SLC8A3: variants seen among roughly 807,000 people sequenced by gnomAD.
The protein encoded by SLC8A3 is solute carrier family 8 member A3.
SLC8A3 carries 37 observed loss-of-function variants against 65.4 expected under a neutral mutation model. The observed-to-expected ratio is 0.57, with a 90% CI of 0.44 to 0.74. The LOEUF (loss-of-function observed/expected upper bound fraction) is 0.74. SLC8A3 is among the 30% of genes least tolerant of loss of function. SLC8A3 has a pLI of 0.00. For synonymous variants in SLC8A3, 461 were observed against 444.5 expected (o/e 1.04, Z -0.47); for missense variants, 1,112 against 1,172.1 (o/e 0.95, Z 0.75).
intron 2 of SLC8A3, among the ~76,000 whole-genome samples, chr14:70,080,906 T>C (rs568299162): frequency 3.9e-5 from 6 of 152,264 alleles, no homozygotes; most frequent in African/African-American, 1.4e-4. Flanking sequence ...TATCTTTACA[T>C]GAGGAAATGA....
chr14:70,062,586 A>G (rs1184573375), intron 2 of SLC8A3, among the ~76,000 whole-genome samples: 1 of 152,066 alleles, frequency 6.6e-6, no homozygotes, highest in Non-Finnish European at 1.5e-5. Flanking sequence ...GTGAAAGTAC[A>G]CTCTATAATT....
intron 2 of SLC8A3, among the ~76,000 whole-genome samples, chr14:70,071,583 T>G (rs1404031325): frequency 6.6e-6 from 1 of 152,192 alleles, no homozygotes; most frequent in Non-Finnish European, 1.5e-5. Flanking sequence ...ATTCTGCTGA[T>G]GGCCTGAATA....
intron 3 of SLC8A3, chr14:70,055,852 A>G: frequency 6.3e-7 from 1 of 1,595,228 alleles, no homozygotes; most frequent in South Asian, 1.1e-5. Flanking sequence ...GAAGAAAGAA[A>G]AGGAAAGAGC....
intron 2 of SLC8A3, among the ~76,000 whole-genome samples, chr14:70,120,654 C>A (rs1893993615): frequency 6.6e-6 from 1 of 152,208 alleles, no homozygotes. Flanking sequence ...GTCCTGTCCT[C>A]CCTCTGCCTT....
At chr14:70,139,060 AG>A (rs1270440071) in intron 2 of SLC8A3, among the ~76,000 whole-genome samples, 4 of 152,174 alleles carry the variant, frequency 2.6e-5, no homozygotes, top group Admixed American at 2.6e-4. Context: ...AATTCTCCCC[AG>A]GCTTAAGGAC....
intron 2 of SLC8A3, among the ~76,000 whole-genome samples, chr14:70,108,054 C>CA (rs1892997274): frequency 6.6e-6 from 1 of 151,328 alleles, no homozygotes; most frequent in Non-Finnish European, 1.5e-5. Flanking sequence ...GTAGGCTCTC[C>CA]AATGGCAAAG....
intron 2 of SLC8A3, among the ~76,000 whole-genome samples, chr14:70,138,871 G>T (rs1284087754): frequency 6.6e-6 from 1 of 152,204 alleles, no homozygotes; most frequent in Non-Finnish European, 1.5e-5. Context: ...ACACCTTGTA[G>T]GTTAAGCAAA....
At chr14:70,148,172 C>T (rs1414152797) in intron 2 of SLC8A3, among the ~76,000 whole-genome samples, 1 of 152,048 alleles carries the variant, frequency 6.6e-6, no homozygotes, top group Admixed American at 6.6e-5. Context: ...TGTTTTTGTC[C>T]ACTTGTAGAC....
At chr14:70,075,721 T>C (rs968462385) in intron 2 of SLC8A3, among the ~76,000 whole-genome samples, 3 of 152,096 alleles carry the variant, frequency 2.0e-5, no homozygotes, top group African/African-American at 7.2e-5. Context: ...TCAGCAGGAG[T>C]GCTTAAAAAC....
At chr14:70,089,673 C>A (rs1891684775) in intron 2 of SLC8A3, among the ~76,000 whole-genome samples, 1 of 152,168 alleles carries the variant, frequency 6.6e-6, no homozygotes, top group Non-Finnish European at 1.5e-5. Flanking sequence ...TCTTTGAATC[C>A]ATCTGTGTAG....
chr14:70,169,700 G>T lies in SLC8A3; in HGVS notation c.-62-1216C>A, dbSNP rs561385469. Among the ~76,000 whole-genome samples the T allele has an allele frequency of 4.2e-5, 6 of 143,958 alleles. 1 individual carries two copies. Among genetic ancestry groups the T allele is most frequent in the Admixed American group, 6.8e-5 (1 of 14,670 alleles). The allele number at this position is 143,958 out of a possible 152,430, so 94.4% of individuals were successfully genotyped here. On this transcript the variant is annotated intron_variant, in intron 1 of 6. Coordinates refer to ENST00000356921, the MANE Select transcript of SLC8A3 (RefSeq NM_182932.3). Reference sequence around the variant, plus strand: ...TAAAAAAAAAAAAAAGTGGGGGGGGGGGCGATCTTTCTCCCTCTGCTACAA... The same window carrying T: ...TAAAAAAAAAAAAAAGTGGGGGGGGTGGCGATCTTTCTCCCTCTGCTACAA...
At chr14:70,066,487 C>A (rs548652161) in intron 2 of SLC8A3, among the ~76,000 whole-genome samples, 2 of 152,130 alleles carry the variant, frequency 1.3e-5, no homozygotes, top group African/African-American at 4.8e-5. Flanking sequence ...TTACTACCCC[C>A]CTTCCTTCTG....
intron 2 of SLC8A3, among the ~76,000 whole-genome samples, chr14:70,149,135 A>G (rs913736051): frequency 2.2e-4 from 33 of 152,200 alleles, no homozygotes; most frequent in African/African-American, 8.0e-4. Flanking sequence ...GGCACACAGT[A>G]AGTACTAAAT....
chr14:70,068,010 G>A (rs369592007), intron 2 of SLC8A3, among the ~76,000 whole-genome samples: 8 of 152,316 alleles, frequency 5.3e-5, no homozygotes, highest in South Asian at 2.1e-4. Flanking sequence ...TGCACACAGC[G>A]TTCCCAGAAC....
At position 70,168,354 on chromosome 14, in the gene SLC8A3, G is replaced by T; in HGVS notation, c.69C>A (p.Leu23=). The change falls in exon 2 of 7, where the codon CTC becomes CTA. Residue 23 remains leucine, a synonymous_variant. Coordinates refer to ENST00000356921, the MANE Select transcript of SLC8A3 (RefSeq NM_182932.3). ...CCTCTGCTCGAAGACCATTCAGGAA[G>T]AGCACAAAGGTAACCAGCCCAAAAT... is the stretch of plus-strand genomic sequence containing the variant. ...FLHFGLVTFV[L]FLNGLRAEAG... 6.2e-7 allele frequency: 1 copy of T among 1,614,158 alleles called. No individual in the cohort carries two copies. Among genetic ancestry groups the T allele is most frequent in the Middle Eastern group, 1.7e-4 (1 of 6,060 alleles).
chr14:70,091,210 T>G (rs17175458), intron 2 of SLC8A3, among the ~76,000 whole-genome samples: 26,124 of 152,222 alleles, frequency 0.17, 2,375 homozygotes, highest in Non-Finnish European at 0.2. Context: ...CATCACGTTT[T>G]CTACTCATTT....
intron 2 of SLC8A3, among the ~76,000 whole-genome samples, chr14:70,141,544 C>T (rs141363168): frequency 3.3e-5 from 5 of 152,212 alleles, no homozygotes; most frequent in African/African-American, 4.8e-5. Flanking sequence ...ATAGCAGAAG[C>T]GGGACTGCAA....
chr14:70,080,210 C>T, intron 2 of SLC8A3: 1 of 985,400 alleles, frequency 1.0e-6, no homozygotes, highest in Non-Finnish European at 1.2e-6. Context: ...GATACTCAGA[C>T]TATATTTAGA....
rs74061067 is a variant in SLC8A3, at chr14:70,132,223, A to T, written c.1784+34416T>A. Among the ~76,000 whole-genome samples the T allele has an allele frequency of 9.6e-3, 1,462 of 152,334 alleles. 19 individuals carry two copies. The highest frequency in any genetic ancestry group is 0.032 in the African/African-American group (1,346 of 41,570). ...TTGCTTGATTAGAATGGGAGAGAAGAAACCAAACTAAGAAATAAAAGCCAC... is the reference window on the plus strand; with the variant it reads ...TTGCTTGATTAGAATGGGAGAGAAGTAACCAAACTAAGAAATAAAAGCCAC... On this transcript the variant is annotated intron_variant, in intron 2 of 6. Coordinates refer to ENST00000356921, the MANE Select transcript of SLC8A3 (RefSeq NM_182932.3).
Sources: allele counts gnomAD v4.1 joint callset (sites outside exome capture counted in the v4.1 genomes callset), GRCh38; gene constraint gnomAD v4.1.1; transcripts MANE v1.5; gene names NCBI Gene and HGNC (gene_info 2026-07-23, HGNC 2026-07-21).